Variants in PCDHA11 observed in about 807,000 individuals in gnomAD.
PCDHA11 encodes the protein protocadherin alpha-11.
A neutral mutation model predicts 70.3 loss-of-function variants in PCDHA11; 61 were observed. The ratio of observed to expected loss-of-function variants is 0.87; its 90% CI spans 0.71 to 1.07. The LOEUF is 1.07. Among genes scored for constraint, PCDHA11 ranks in the 50% least tolerant of loss-of-function variants. The pLI, the probability that PCDHA11 is intolerant of heterozygous loss-of-function variation, is 0.00. For missense variants in PCDHA11, 1,324 were observed against 1,237.5 expected (o/e 1.07, Z -1.05); for synonymous variants, 633 against 555.1 (o/e 1.14, Z -1.97).
intron 1 of PCDHA11, chr5:140,881,309 G>C (rs535656328): frequency 1.0e-6 from 1 of 975,612 alleles, no homozygotes; most frequent in East Asian, 1.1e-4. Context: ...TTAACCTCCT[G>C]GTTAAATTCT....
At chr5:140,882,643 C>T in intron 1 of PCDHA11, 1 of 1,614,190 alleles carries the variant, frequency 6.2e-7, no homozygotes, top group Non-Finnish European at 8.5e-7. Context: ...AGGTGAGGGA[C>T]ATTAACGACA....
In PCDHA11 at chr5:140,871,181, T is replaced by C. The variant is rs782405877; in HGVS notation, c.2078T>C (p.Val693Ala). The change falls in exon 1 of 4, where the codon GTG becomes GCG. Residue 693 changes from valine to alanine, a missense_variant. Physicochemically the swap from Val to Ala is moderately conservative, Grantham distance 64. Transcript: ENST00000398640. ...AGAASPEAAL[V>A]DVNVYLIIAI... Reference sequence around the variant, plus strand: ...GCCGCGAGCCCAGAGGCTGCGCTGGTGGATGTCAACGTGTACCTGATCATC... The same window carrying C: ...GCCGCGAGCCCAGAGGCTGCGCTGGCGGATGTCAACGTGTACCTGATCATC... The C allele has an allele frequency of 6.2e-7, 1 of 1,613,552 alleles. No individual in the cohort carries two copies. The highest frequency in any genetic ancestry group is 1.7e-5 in the Admixed American group (1 of 60,032).
chr5:140,919,509 A>G (rs897648504), intron 1 of PCDHA11, among the ~76,000 whole-genome samples: 1 of 152,052 alleles, frequency 6.6e-6, no homozygotes, highest in Non-Finnish European at 1.5e-5. Context: ...CTTTTTCTAT[A>G]TGTTTTAATT....
intron 1 of PCDHA11, among the ~76,000 whole-genome samples, chr5:140,918,591 A>G (rs1554198702): frequency 6.6e-6 from 1 of 152,238 alleles, no homozygotes; most frequent in African/African-American, 2.4e-5. Context: ...TATATGTTCT[A>G]TAGATGTTGC....
rs1554206636 is a variant in PCDHA11, at chr5:140,929,056, A to G, written c.2392-49893A>G. The G allele has an allele frequency of 1.2e-6, 2 of 1,614,064 alleles. No individual in the cohort carries two copies. Among genetic ancestry groups the G allele is most frequent in the Non-Finnish European group, 1.7e-6 (2 of 1,180,034 alleles). On this transcript the variant is annotated intron_variant, in intron 1 of 3. Transcript: ENST00000398640. ...TTGCGCTCAGAGCTGCTGTCGCTCTACAGAGGATCTGAGGTATGGAAGTAA... is the reference window on the plus strand; with the variant it reads ...TTGCGCTCAGAGCTGCTGTCGCTCTGCAGAGGATCTGAGGTATGGAAGTAA...
At chr5:140,913,619 G>A (rs188632685) in intron 1 of PCDHA11, among the ~76,000 whole-genome samples, 1 of 151,848 alleles carries the variant, frequency 6.6e-6, no homozygotes, top group Non-Finnish European at 1.5e-5. Context: ...TACTAATTTT[G>A]GATTCAGTTT....
At chr5:140,920,746 A>AG (rs1190651507) in intron 1 of PCDHA11, among the ~76,000 whole-genome samples, 2 of 151,430 alleles carry the variant, frequency 1.3e-5, no homozygotes, top group African/African-American at 4.8e-5. Context: ...CAGGAGGCTG[A>AG]GGCAGGAGAA....
At position 140,870,030 on chromosome 5, in the gene PCDHA11, T is replaced by C. The variant is rs782502508; in HGVS notation, c.927T>C (p.Tyr309=). ...TGAGGGTCAATGGAACTTTAGATTATGAAGAAAACAAGTTTTATAAAATTG... is the reference window on the plus strand; with the variant it reads ...TGAGGGTCAATGGAACTTTAGATTACGAAGAAAACAAGTTTTATAAAATTG... ...GEVRVNGTLD[Y]EENKFYKIEV... Residue 309 remains tyrosine (Y), a synonymous_variant, in exon 1 of 4, where the codon TAT becomes TAC. Coordinates refer to ENST00000398640, the MANE Select transcript of PCDHA11 (RefSeq NM_018902.5). 2.5e-6 allele frequency: 4 copies of C among 1,613,662 alleles called. No individual in the cohort carries two copies. The highest frequency in any genetic ancestry group is 1.7e-5 in the Admixed American group (1 of 59,996).
intron 1 of PCDHA11, among the ~76,000 whole-genome samples, chr5:140,973,877 A>G (rs782563295): frequency 6.6e-6 from 1 of 152,234 alleles, no homozygotes; most frequent in Non-Finnish European, 1.5e-5. Context: ...AGGTCAGAAT[A>G]ATGTCAATTT....
chr5:140,967,368 A>G (rs2096133589), intron 1 of PCDHA11: 1 of 1,607,738 alleles, frequency 6.2e-7, no homozygotes, highest in Non-Finnish European at 8.5e-7. Flanking sequence ...AAGCCCCTGC[A>G]GGAGAACAGT....
intron 1 of PCDHA11, among the ~76,000 whole-genome samples, chr5:140,942,273 G>C (rs1360564646): frequency 6.6e-6 from 1 of 152,132 alleles, no homozygotes; most frequent in South Asian, 2.1e-4. Context: ...AGCTGGTAAT[G>C]GTGGCTCATG....
intron 3 of PCDHA11, among the ~76,000 whole-genome samples, chr5:140,987,875 G>A (rs1293461683): frequency 6.6e-6 from 1 of 152,008 alleles, no homozygotes; most frequent in Non-Finnish European, 1.5e-5. Flanking sequence ...GTGGAAAATG[G>A]ACAGTTTATG....
At chr5:140,924,395 G>C (rs919795787) in intron 1 of PCDHA11, among the ~76,000 whole-genome samples, 1 of 152,024 alleles carries the variant, frequency 6.6e-6, no homozygotes, top group East Asian at 1.9e-4. Context: ...TACTTATATT[G>C]CCTTATATCA....
At chr5:140,955,460 C>G (rs1051253944) in intron 1 of PCDHA11, among the ~76,000 whole-genome samples, 2 of 152,000 alleles carry the variant, frequency 1.3e-5, no homozygotes, top group Non-Finnish European at 2.9e-5. Flanking sequence ...GGGCTTTTTC[C>G]TTTTTGCTTG....
At chr5:140,951,373 C>T (rs1554219872) in intron 1 of PCDHA11, among the ~76,000 whole-genome samples, 1 of 151,996 alleles carries the variant, frequency 6.6e-6, no homozygotes, top group Non-Finnish European at 1.5e-5. Context: ...AAAGAAACAC[C>T]CAAGACTCGG....
At chr5:140,917,690 G>C (rs2078307385) in intron 1 of PCDHA11, among the ~76,000 whole-genome samples, 1 of 152,108 alleles carries the variant, frequency 6.6e-6, no homozygotes, top group African/African-American at 2.4e-5. Context: ...TTTTGTTGAA[G>C]ATCAGATAAT....
chr5:140,868,982 A>T lies in PCDHA11; in HGVS notation c.-122A>T. On this transcript the variant is annotated 5_prime_UTR_variant, in exon 1 of 4. An upstream start codon of the reference 5' UTR is lost. Transcript: ENST00000398640. Reference sequence around the variant, plus strand: ...ATACAAAGGAACTCCATCATACCGGATGCCACCGTTTAAGGATCCTTTGAA... The same window carrying T: ...ATACAAAGGAACTCCATCATACCGGTTGCCACCGTTTAAGGATCCTTTGAA... 1 of 1,495,310 alleles carries T rather than the reference A, an allele frequency of 6.7e-7. No homozygotes were observed. Among genetic ancestry groups the T allele is most frequent in the East Asian group, 2.3e-5 (1 of 43,998 alleles). 92.6% of individuals were successfully genotyped at this position (1,495,310 alleles called of 1,614,324 possible). A position where few individuals can be genotyped will look rare whatever the true frequency, so the allele number is the denominator to read the frequency against.
chr5:140,906,665 AC>A (rs558667206), intron 1 of PCDHA11, among the ~76,000 whole-genome samples: 132 of 152,200 alleles, frequency 8.7e-4, no homozygotes, highest in African/African-American at 3.2e-3. Context: ...TGGTGTAGTG[AC>A]CCAAACCTTC....
intron 1 of PCDHA11, among the ~76,000 whole-genome samples, chr5:140,909,960 C>T (rs1419796014): frequency 6.6e-6 from 1 of 152,184 alleles, no homozygotes; most frequent in Non-Finnish European, 1.5e-5. Context: ...CGTAGGTCTC[C>T]ATGGGGAAGG....
Sources: allele counts gnomAD v4.1 joint callset (sites outside exome capture counted in the v4.1 genomes callset), GRCh38; gene constraint gnomAD v4.1.1; transcripts MANE v1.5; gene names NCBI Gene and HGNC (gene_info 2026-07-23, HGNC 2026-07-21).